SENP2: variants seen among roughly 807,000 people sequenced by gnomAD.
The protein encoded by SENP2 is SUMO specific peptidase 2.
In SENP2, 16 loss-of-function variants were observed where a neutral mutation model predicts 86.3. The observed-to-expected ratio is 0.19, with a 90% CI of 0.13 to 0.28. The LOEUF (loss-of-function observed/expected upper bound fraction) is 0.28, where lower values mean the gene tolerates loss of function less well. Among genes scored for constraint, SENP2 ranks in the 10% least tolerant of loss-of-function variants. SENP2 has a pLI of 1.00. For missense variants in SENP2, 552 were observed against 703.0 expected, an observed-to-expected ratio of 0.79 and a Z score of 2.43; for synonymous variants, 222 against 238.7, an observed-to-expected ratio of 0.93 and a Z score of 0.64.
At chr3:185,616,021 C>T (rs1711588311) in intron 11 of SENP2, among the ~76,000 whole-genome samples, 1 of 151,726 alleles carries the variant, frequency 6.6e-6, no homozygotes, top group Non-Finnish European at 1.5e-5. Context: ...TGCCACCACG[C>T]CCAGCTAATT....
intron 2 of SENP2, among the ~76,000 whole-genome samples, chr3:185,595,276 G>C (rs755805435): frequency 6.6e-6 from 1 of 152,188 alleles, no homozygotes; most frequent in African/African-American, 2.4e-5. Context: ...GTCCTCTAGA[G>C]TCTGGATGAC....
intron 6 of SENP2, among the ~76,000 whole-genome samples, chr3:185,608,169 G>T (rs1722578218): frequency 6.6e-6 from 1 of 152,226 alleles, no homozygotes; most frequent in Non-Finnish European, 1.5e-5. Flanking sequence ...CCCTCTACGA[G>T]CTTATACATA....
At chr3:185,606,128 T>C (rs943657805) in intron 5 of SENP2, among the ~76,000 whole-genome samples, 6 of 152,068 alleles carry the variant, frequency 3.9e-5, no homozygotes, top group African/African-American at 7.2e-5. Flanking sequence ...AGCTCTAGTT[T>C]AGAAACAGAC....
chr3:185,608,731 A>T (rs1560195334), intron 6 of SENP2, among the ~76,000 whole-genome samples: 1 of 152,314 alleles, frequency 6.6e-6, no homozygotes, highest in Non-Finnish European at 1.5e-5. Flanking sequence ...GACAGAGAAA[A>T]AAGAATCAGA....
chr3:185,625,134 C>T (rs374595095), intron 15 of SENP2, among the ~76,000 whole-genome samples: 4 of 147,990 alleles, frequency 2.7e-5, no homozygotes, highest in South Asian at 2.1e-4. Flanking sequence ...TTTTTTGAGA[C>T]GGAGTCTCGC....
At chr3:185,607,462 G>A (rs1239914181) in intron 6 of SENP2, among the ~76,000 whole-genome samples, 1 of 151,462 alleles carries the variant, frequency 6.6e-6, no homozygotes, top group East Asian at 1.9e-4. Context: ...CCAAGTAGCT[G>A]GGATTACAGG....
At chr3:185,593,364 T>C (rs1384068535) in intron 2 of SENP2, among the ~76,000 whole-genome samples, 2 of 152,194 alleles carry the variant, frequency 1.3e-5, no homozygotes, top group African/African-American at 4.8e-5. Flanking sequence ...TCCTCTCACC[T>C]TGGCTTTCCA....
At chr3:185,594,271 C>T (rs1722104803) in intron 2 of SENP2, among the ~76,000 whole-genome samples, 2 of 151,866 alleles carry the variant, frequency 1.3e-5, no homozygotes. Flanking sequence ...TCACTTATTG[C>T]ATCATTCCCA....
chr3:185,619,172 A>C, intron 12 of SENP2, 127 bp from the exon 13 acceptor site: 3 of 689,390 alleles, frequency 4.4e-6, no homozygotes, highest in Non-Finnish European at 7.5e-6. Context: ...CCTGTCTTCT[A>C]CTATAGACAG....
At chr3:185,587,484 G>A (rs1274184096) in intron 1 of SENP2, among the ~76,000 whole-genome samples, 1 of 151,458 alleles carries the variant, frequency 6.6e-6, no homozygotes, top group East Asian at 1.9e-4. Flanking sequence ...CCATTTTATT[G>A]TATCGACCTC....
At chr3:185,595,397 C>G (rs954694323) in intron 2 of SENP2, among the ~76,000 whole-genome samples, 1 of 152,160 alleles carries the variant, frequency 6.6e-6, no homozygotes, top group Admixed American at 6.5e-5. Flanking sequence ...CTGGAATTCT[C>G]TGATTCCTAA....
chr3:185,605,617 T>G (rs1478590599), intron 5 of SENP2, among the ~76,000 whole-genome samples: 1 of 152,182 alleles, frequency 6.6e-6, no homozygotes, highest in Non-Finnish European at 1.5e-5. Context: ...GCATTAATAT[T>G]GTAATTTTGT....
chr3:185,595,797 AT>A (rs1011999597), intron 2 of SENP2, among the ~76,000 whole-genome samples: 10,842 of 130,088 alleles, frequency 0.083, 529 homozygotes, highest in South Asian at 0.31. Context: ...TGAGCCTGAG[AT>A]TTTTTTTTTT....
In SENP2 at chr3:185,609,713, C is replaced by T. The variant is rs577686382; in HGVS notation, c.722+363C>T. Reference sequence around the variant, plus strand: ...TCCCTTCCCCACCCCACTCCTGCCCCTCTCTCCATTTCTCCCATCTCCCTT... The same window carrying T: ...TCCCTTCCCCACCCCACTCCTGCCCTTCTCTCCATTTCTCCCATCTCCCTT... On this transcript the variant is annotated intron_variant, in intron 7 of 16. Coordinates refer to ENST00000296257, the MANE Select transcript of SENP2 (RefSeq NM_021627.3). Among the ~76,000 whole-genome samples, 3 of 152,036 alleles carry T rather than the reference C, an allele frequency of 2.0e-5. No homozygotes were observed. The South Asian group carries it at 6.3e-4, about 32-fold the overall frequency.
rs1213489925 is a variant in SENP2, at chr3:185,606,484, T to C, written c.604T>C (p.Cys202Arg). The change falls in exon 6 of 17, where the codon TGT (cysteine) becomes CGT (arginine). Residue 202 changes from cysteine to arginine, a missense_variant. Coordinates refer to ENST00000296257, the MANE Select transcript of SENP2 (RefSeq NM_021627.3). The stretch of plus-strand genomic sequence containing the variant: ...TGGCAAGGGTCTGAGGCGTCCCCAT[T>C]GTACTGTGGAGGAGGTAAGCCTTTT... The part of the protein sequence containing the change: ...ESGKGLRRPH[C>R]TVEEGVQKEE... 1.9e-6 allele frequency: 3 copies of C among 1,593,440 alleles called. No homozygotes were observed. The highest frequency in any genetic ancestry group is 2.6e-6 in the Non-Finnish European group (3 of 1,174,656).
At chr3:185,611,144 C>T (rs565446988) in intron 7 of SENP2, among the ~76,000 whole-genome samples, 5 of 152,122 alleles carry the variant, frequency 3.3e-5, no homozygotes, top group South Asian at 2.1e-4. Flanking sequence ...GGTGTAGTGG[C>T]GTGTGCCAGT....
chr3:185,622,389 A>G (rs994994016), intron 14 of SENP2, among the ~76,000 whole-genome samples: 19 of 152,212 alleles, frequency 1.2e-4, no homozygotes, highest in African/African-American at 4.1e-4. Context: ...TAGGTAAAGT[A>G]GTGACATGAG....
At chr3:185,618,574 A>G (rs1356512325) in intron 12 of SENP2, among the ~76,000 whole-genome samples, 2 of 152,122 alleles carry the variant, frequency 1.3e-5, no homozygotes. Flanking sequence ...AAAAAATATT[A>G]CTGTTCAAAA....
intron 16 of SENP2, among the ~76,000 whole-genome samples, chr3:185,628,443 C>T (rs1312481040): frequency 6.6e-6 from 1 of 151,458 alleles, no homozygotes; most frequent in Non-Finnish European, 1.5e-5. Flanking sequence ...GGTGACATCA[C>T]TAGTTTATAG....
Sources: gnomAD v4.1 joint callset for allele counts (sites outside exome capture counted in the v4.1 genomes callset) on GRCh38, gnomAD v4.1.1 for gene constraint, MANE v1.5 for transcripts, NCBI Gene and HGNC (gene_info 2026-07-23, HGNC 2026-07-21) for gene names.